ITGBL1: variants seen among roughly 807,000 people sequenced by gnomAD.
ITGBL1 encodes integrin subunit beta like 1.
In ITGBL1, 51 loss-of-function variants were observed where a neutral mutation model predicts 68.5. That is an observed-to-expected ratio of 0.74 (90% CI 0.59 to 0.94). The LOEUF (loss-of-function observed/expected upper bound fraction) is 0.94, where lower values mean the gene tolerates loss of function less well. Among genes scored for constraint, ITGBL1 ranks in the 40% least tolerant of loss-of-function variants. The pLI, the probability that ITGBL1 is intolerant of heterozygous loss-of-function variation, is 0.00. For synonymous variants in ITGBL1, 209 were observed against 227.3 expected, an observed-to-expected ratio of 0.92 and a Z score of 0.72; for missense variants, 649 against 647.4, an observed-to-expected ratio of 1.00 and a Z score of -0.03.
intron 7 of ITGBL1, among the ~76,000 whole-genome samples, chr13:101,604,844 CAATA>C (rs1390394006): frequency 1.9e-4 from 6 of 32,244 alleles, no homozygotes; most frequent in African/African-American, 6.2e-4. Context: ...CAGGTGAAGG[CAATA>C]TATATATATA....
In ITGBL1 at chr13:101,675,237, G is replaced by T. The variant is rs367663545; in HGVS notation, c.1016-17348G>T. ...TGTAAAAATTTTTCCCTTTTTCTTT[G>T]TCTTGACTTTGTCATGACTGTGTTA... is the stretch of plus-strand genomic sequence containing the variant. On this transcript the variant is annotated intron_variant, in intron 7 of 10. Coordinates refer to ENST00000376180, the MANE Select transcript of ITGBL1 (RefSeq NM_004791.3). Among the ~76,000 whole-genome samples the T allele has an allele frequency of 8.3e-4, 122 of 146,716 alleles. 1 individual carries two copies. Among genetic ancestry groups the T allele is most frequent in the Middle Eastern group, 6.8e-3 (2 of 292 alleles).
At chr13:101,597,544 G>GT (rs577613073) in intron 6 of ITGBL1, among the ~76,000 whole-genome samples, 1,615 of 148,666 alleles carry the variant, frequency 0.011, 29 homozygotes, top group African/African-American at 0.036. Flanking sequence ...TTTTTTTGTT[G>GT]TTTTTTTTGT....
intron 6 of ITGBL1, among the ~76,000 whole-genome samples, chr13:101,597,159 C>A (rs1048984406): frequency 6.6e-6 from 1 of 152,008 alleles, no homozygotes; most frequent in Non-Finnish European, 1.5e-5. Flanking sequence ...AGGCTATGCA[C>A]GTGAGGGAGA....
At chr13:101,626,534 C>G in intron 7 of ITGBL1, among the ~76,000 whole-genome samples, 1 of 152,098 alleles carries the variant, frequency 6.6e-6, no homozygotes, top group Middle Eastern at 3.2e-3. Flanking sequence ...ACCATCTACT[C>G]CAGGAAACCT....
intron 2 of ITGBL1, among the ~76,000 whole-genome samples, chr13:101,461,798 C>A (rs1237146887): frequency 6.6e-6 from 1 of 152,142 alleles, no homozygotes; most frequent in Admixed American, 6.5e-5. Flanking sequence ...GACATTTTGC[C>A]AAGCTTCATA....
intron 2 of ITGBL1, among the ~76,000 whole-genome samples, chr13:101,485,498 A>G (rs2048688504): frequency 2.0e-5 from 3 of 152,036 alleles, no homozygotes; most frequent in South Asian, 4.1e-4. Context: ...ATACTACCTT[A>G]CTCCTATAAG....
At chr13:101,557,342 G>A (rs1203119213) in intron 2 of ITGBL1, among the ~76,000 whole-genome samples, 2 of 152,032 alleles carry the variant, frequency 1.3e-5, no homozygotes, top group Non-Finnish European at 1.5e-5. Flanking sequence ...TGATCTCCTT[G>A]GCATATGCTT....
intron 3 of ITGBL1, among the ~76,000 whole-genome samples, chr13:101,570,726 A>G (rs12585460): frequency 0.094 from 14,375 of 152,176 alleles, 800 homozygotes; most frequent in East Asian, 0.15. Flanking sequence ...TGGTTGCCTT[A>G]TTTAGTCTAT....
intron 7 of ITGBL1, among the ~76,000 whole-genome samples, chr13:101,684,642 G>A (rs545311456): frequency 3.3e-5 from 5 of 151,650 alleles, no homozygotes; most frequent in African/African-American, 4.8e-5. Context: ...CACAGTTTTC[G>A]GTTAAGTAAT....
chr13:101,606,628 AT>A (rs2030875572), intron 7 of ITGBL1, among the ~76,000 whole-genome samples: 1 of 151,982 alleles, frequency 6.6e-6, no homozygotes, highest in Non-Finnish European at 1.5e-5. Flanking sequence ...AGTAAAGTTA[AT>A]TTGCATCACA....
At chr13:101,655,501 T>C (rs1025617) in intron 7 of ITGBL1, among the ~76,000 whole-genome samples, 143,849 of 152,284 alleles carry the variant, frequency 0.94, 68,156 homozygotes, top group Middle Eastern at 0.99. Flanking sequence ...ACCACAGCAT[T>C]GGAATTGAGA....
rs550855024 is a variant in ITGBL1, at chr13:101,541,638, C to T, written c.317-26061C>T. On this transcript the variant is annotated intron_variant, in intron 2 of 10. Transcript: ENST00000376180. ...AGTTTCAGAAGGAATGGTACCAGCTCCTCCTTGTACCACTGGTAGAATTCG... is the reference window on the plus strand; with the variant it reads ...AGTTTCAGAAGGAATGGTACCAGCTTCTCCTTGTACCACTGGTAGAATTCG... Among the ~76,000 whole-genome samples, 12 of 152,258 alleles carry T rather than the reference C, an allele frequency of 7.9e-5. No individual in the cohort carries two copies. The South Asian group carries it at 2.5e-3, about 32-fold the overall frequency.
intron 9 of ITGBL1, chr13:101,710,797 C>T (rs1215880938): frequency 1.3e-5 from 2 of 152,176 alleles, no homozygotes; most frequent in Non-Finnish European, 2.9e-5. Context: ...AAGCTGTCAC[C>T]TCAGGAGACG....
intron 2 of ITGBL1, among the ~76,000 whole-genome samples, chr13:101,531,529 A>C (rs1454804694): frequency 1.3e-5 from 2 of 151,254 alleles, no homozygotes; most frequent in African/African-American, 2.4e-5. Context: ...GCAGAATTGG[A>C]AGTAAGACAT....
chr13:101,453,939 G>A lies in ITGBL1; in HGVS notation c.155G>A (p.Arg52His), dbSNP rs1232249775. The A allele has an allele frequency of 5.6e-6, 8 of 1,421,054 alleles. No homozygotes were observed. The highest frequency in any genetic ancestry group is 7.4e-6 in the Non-Finnish European group (8 of 1,080,892). The allele number at this position is 1,421,054 out of a possible 1,614,324, so 88.0% of individuals were successfully genotyped here. The change falls in exon 2 of 11, where the codon CGC (arginine) becomes CAC (histidine). Residue 52 changes from arginine to histidine, a missense_variant. Transcript: ENST00000376180. ...LSRAESERRC[R>H]APGQPPGAAL... The stretch of plus-strand genomic sequence containing the variant: ...CGGGCCGAGTCGGAGCGACGCTGCC[G>A]CGCACCTGGGCAGCCCCCGGGGGCC...
At chr13:101,601,148 C>T (rs1485923259) in intron 7 of ITGBL1, among the ~76,000 whole-genome samples, 3 of 152,110 alleles carry the variant, frequency 2.0e-5, no homozygotes, top group Admixed American at 1.3e-4. Flanking sequence ...CAACTTCTTC[C>T]TGGTTTAGTC....
intron 2 of ITGBL1, among the ~76,000 whole-genome samples, chr13:101,511,055 G>A (rs934408239): frequency 2.0e-5 from 3 of 151,700 alleles, no homozygotes; most frequent in Non-Finnish European, 2.9e-5. Flanking sequence ...TTAGGGAGTT[G>A]GCCATAAATC....
chr13:101,574,841 C>T (rs896920458), intron 3 of ITGBL1, among the ~76,000 whole-genome samples: 1 of 152,038 alleles, frequency 6.6e-6, no homozygotes, highest in Admixed American at 6.6e-5. Context: ...ACCAGCAATC[C>T]ATGCCTAAGG....
intron 2 of ITGBL1, among the ~76,000 whole-genome samples, chr13:101,540,345 C>A (rs1267344023): frequency 2.6e-5 from 4 of 152,098 alleles, no homozygotes; most frequent in African/African-American, 9.7e-5. Flanking sequence ...TCAGGTATGT[C>A]AAAGATCAGA....
Sources: gnomAD v4.1 joint callset for allele counts (sites outside exome capture counted in the v4.1 genomes callset) on GRCh38, gnomAD v4.1.1 for gene constraint, MANE v1.5 for transcripts, NCBI Gene and HGNC (gene_info 2026-07-23, HGNC 2026-07-21) for gene names.